Variants in FBN2 observed in about 807,000 individuals in gnomAD.
The protein encoded by FBN2 is fibrillin 2.
Under a neutral mutation model 355.6 loss-of-function variants are expected in FBN2, and 105 were observed. The ratio of observed to expected loss-of-function variants is 0.30; its 90% CI spans 0.25 to 0.35. The LOEUF (loss-of-function observed/expected upper bound fraction) is 0.35, where lower values mean the gene tolerates loss of function less well. Ranked by LOEUF, FBN2 falls within the 10% of genes least tolerant of loss-of-function variation. The pLI, the probability that FBN2 is intolerant of heterozygous loss-of-function variation, is 1.00. For synonymous variants in FBN2, 1,350 were observed against 1,301.2 expected (o/e 1.04, Z -0.81); for missense variants, 3,280 against 3,758.7 (o/e 0.87, Z 3.33).
At chr5:128,386,717 G>T (rs1365936895) in intron 11 of FBN2, among the ~76,000 whole-genome samples, 1 of 151,922 alleles carries the variant, frequency 6.6e-6, no homozygotes, top group Non-Finnish European at 1.5e-5. Flanking sequence ...AGAAATCAGA[G>T]ATAAAATCTC....
intron 56 of FBN2, among the ~76,000 whole-genome samples, 156 bp from the exon 57 acceptor site, chr5:128,278,997 T>C (rs369800252): frequency 8.5e-5 from 13 of 152,206 alleles, no homozygotes; most frequent in Non-Finnish European, 1.6e-4. Flanking sequence ...GTTAAGTTCA[T>C]AGCATATTCT....
chr5:128,322,910 A>G lies in FBN2; in HGVS notation c.4472-3909T>C, dbSNP rs533449278. On this transcript the variant is annotated intron_variant, in intron 34 of 64. Transcript: ENST00000262464. ...GATTTTTCCTATCCATGAGCATGGA[A>G]TGTTTTTCCATTTGTTTGCGTCCTC... 3.5e-4 allele frequency among the ~76,000 whole-genome samples: 53 copies of G among 152,270 alleles called. No homozygotes were observed. The East Asian group carries it at 6.4e-3, about 18-fold the overall frequency.
intron 17 of FBN2, among the ~76,000 whole-genome samples, chr5:128,365,737 G>A (rs2126942263): frequency 6.7e-6 from 1 of 150,204 alleles, no homozygotes; most frequent in South Asian, 2.1e-4. Context: ...TAACACCCAA[G>A]TTTTATTTAT....
intron 41 of FBN2, among the ~76,000 whole-genome samples, chr5:128,307,408 A>G (rs1208122345): frequency 6.6e-6 from 1 of 152,086 alleles, no homozygotes; most frequent in Non-Finnish European, 1.5e-5. Flanking sequence ...TGTTATTTCT[A>G]TTACTCTCAT....
At chr5:128,511,626 C>G (rs1756132613) in intron 5 of FBN2, among the ~76,000 whole-genome samples, 1 of 152,072 alleles carries the variant, frequency 6.6e-6, no homozygotes, top group Non-Finnish European at 1.5e-5. Flanking sequence ...AGGCCTACAG[C>G]CAAGCAAATA....
chr5:128,407,122 C>T (rs141670474), intron 8 of FBN2, among the ~76,000 whole-genome samples: 30 of 152,240 alleles, frequency 2.0e-4, no homozygotes, highest in East Asian at 1.9e-3. Context: ...TGACATCTAG[C>T]CACAGGATCT....
chr5:128,279,215 ATATT>A (rs1384158583), intron 56 of FBN2, among the ~76,000 whole-genome samples: 1 of 152,216 alleles, frequency 6.6e-6, no homozygotes, highest in Non-Finnish European at 1.5e-5. Context: ...ACTCTAGACT[ATATT>A]TTATGAGCTT....
intron 6 of FBN2, among the ~76,000 whole-genome samples, chr5:128,462,759 G>T (rs541707300): frequency 6.3e-4 from 96 of 152,264 alleles, no homozygotes; most frequent in African/African-American, 2.1e-3. Flanking sequence ...TACAGAACAT[G>T]AGAAAAGTCA....
chr5:128,409,905 G>A (rs1753020399), intron 7 of FBN2, among the ~76,000 whole-genome samples: 1 of 152,108 alleles, frequency 6.6e-6, no homozygotes, highest in South Asian at 2.1e-4. Context: ...GAAAAAGGTT[G>A]CCAATGCCTT....
Position 128,288,513 on chromosome 5 carries a change from A to C in FBN2, c.6682T>G (p.Cys2228Gly). 1 of 1,613,802 alleles carries C rather than the reference A, an allele frequency of 6.2e-7. No homozygotes were observed. Among genetic ancestry groups the C allele is most frequent in the Non-Finnish European group, 8.5e-7 (1 of 1,179,718 alleles). ...SIGNPCGNGT[C>G]TNVIGSFECN... is the part of the protein sequence containing the mutation. The stretch of plus-strand genomic sequence containing the variant: ...TCAAAACTCCCAATAACATTGGTGC[A>C]TGTACCATTTCCACACGGATTGCCG... Residue 2228 changes from cysteine to glycine, a missense_variant, in exon 53 of 65, where the codon TGC becomes GGC. Transcript: ENST00000262464.
intron 7 of FBN2, among the ~76,000 whole-genome samples, chr5:128,420,486 T>C (rs1488144959): frequency 6.6e-6 from 1 of 152,208 alleles, no homozygotes; most frequent in African/African-American, 2.4e-5. Flanking sequence ...AATTTCTGAA[T>C]TATCATTGTT....
chr5:128,374,390 C>T (rs766189662), intron 15 of FBN2, among the ~76,000 whole-genome samples: 5 of 151,886 alleles, frequency 3.3e-5, no homozygotes, highest in Non-Finnish European at 5.9e-5. Flanking sequence ...TGTCCTAACA[C>T]GAATCTACTT....
At chr5:128,412,256 A>G (rs1034000160) in intron 7 of FBN2, among the ~76,000 whole-genome samples, 1 of 152,236 alleles carries the variant, frequency 6.6e-6, no homozygotes, top group Non-Finnish European at 1.5e-5. Flanking sequence ...GATATGTTCA[A>G]CTAGGCCTTC....
rs1172256056 is a variant in FBN2 at position 128,296,816 on chromosome 5, GT to G, written c.6166+4000del. ...CCTGGATTCGTTAATTTTTTGAAGG[GT>G]TTTTTGTGTCTCTATTTCCTTCAGT... On this transcript the variant is annotated intron_variant, in intron 48 of 64. Coordinates refer to ENST00000262464, the MANE Select transcript of FBN2 (RefSeq NM_001999.4). Among the ~76,000 whole-genome samples the G allele has an allele frequency of 3.3e-5, 5 of 151,932 alleles. No homozygotes were observed. In the East Asian group the frequency reaches 7.8e-4, roughly 24 times the overall value.
At chr5:128,526,890 T>C (rs998193622) in intron 4 of FBN2, among the ~76,000 whole-genome samples, 3 of 152,152 alleles carry the variant, frequency 2.0e-5, no homozygotes, top group Admixed American at 6.5e-5. Flanking sequence ...AATTTTGTTA[T>C]GTATATTTTA....
chr5:128,489,778 C>G (rs1755448586), intron 5 of FBN2, among the ~76,000 whole-genome samples: 2 of 152,084 alleles, frequency 1.3e-5, no homozygotes, highest in Admixed American at 1.3e-4. Context: ...GATGCTATAT[C>G]CAAAGCAACA....
At chr5:128,272,165 T>C in intron 61 of FBN2, 47 bp from the exon 62 acceptor site, 3 of 1,612,192 alleles carry the variant, frequency 1.9e-6, no homozygotes, top group Non-Finnish European at 2.5e-6. Flanking sequence ...TTTCTTCTAC[T>C]ATTTTTAAAT....
intron 8 of FBN2, among the ~76,000 whole-genome samples, chr5:128,397,248 T>A (rs903129073): frequency 1.3e-5 from 2 of 152,232 alleles, no homozygotes; most frequent in Non-Finnish European, 2.9e-5. Flanking sequence ...ATTTTTGGAA[T>A]ATTCATTTTA....
chr5:128,424,227 C>T (rs951765083), intron 7 of FBN2, among the ~76,000 whole-genome samples: 2 of 152,020 alleles, frequency 1.3e-5, no homozygotes, highest in South Asian at 2.1e-4. Flanking sequence ...ATGATTGTTC[C>T]GCAGGGATGT....
Sources: gnomAD v4.1 joint callset for allele counts (sites outside exome capture counted in the v4.1 genomes callset) on GRCh38, gnomAD v4.1.1 for gene constraint, MANE v1.5 for transcripts, NCBI Gene and HGNC (gene_info 2026-07-23, HGNC 2026-07-21) for gene names.